Variants in DNAH6 observed in about 807,000 individuals in gnomAD.
The protein encoded by DNAH6 is dynein axonemal heavy chain 6, also known as axonemal beta dynein heavy chain 6.
DNAH6 carries 340 observed loss-of-function variants against 491.4 expected under a neutral mutation model. The ratio of observed to expected loss-of-function variants is 0.69; its 90% confidence interval spans 0.63 to 0.76. The LOEUF (loss-of-function observed/expected upper bound fraction) is 0.76. DNAH6 is among the 30% of genes least tolerant of loss of function. The pLI is 0.00. For synonymous variants in DNAH6, 1,603 were observed against 1,686.1 expected (o/e 0.95, Z 1.21); for missense variants, 4,443 against 4,972.2 (o/e 0.89, Z 3.20).
At chr2:84,776,004 T>C (rs1388320987) in intron 64 of DNAH6, among the ~76,000 whole-genome samples, 1 of 152,198 alleles carries the variant, frequency 6.6e-6, no homozygotes, top group Non-Finnish European at 1.5e-5. Context: ...CAAGGTTTAT[T>C]GGGGGTTTTA....
chr2:84,479,532 A>G, the DNAH6 span, among the ~76,000 whole-genome samples: 4 of 152,356 alleles, frequency 2.6e-5, no homozygotes, highest in East Asian at 7.7e-4. Flanking sequence ...GAGATTACCA[A>G]TGTCTACACA....
At chr2:84,714,400 C>T (rs1301278645) in intron 57 of DNAH6, among the ~76,000 whole-genome samples, 1 of 152,090 alleles carries the variant, frequency 6.6e-6, no homozygotes, top group African/African-American at 2.4e-5. Context: ...GGGCTCATGT[C>T]CCAAGTCCCA....
Position 84,589,006 on chromosome 2 carries a change from G to A in DNAH6, c.2610+52G>A, listed in dbSNP as rs7423276. The A allele has an allele frequency of 9.6e-3, 14,154 of 1,468,422 alleles. 766 individuals are homozygous for A. In the African/African-American group the frequency reaches 0.14, roughly 15 times the overall value. 91.0% of individuals were successfully genotyped at this position (1,468,422 alleles called of 1,614,324 possible). A position where few individuals can be genotyped will look rare whatever the true frequency, so the allele number is the denominator to read the frequency against. On this transcript the variant is annotated intron_variant, in intron 16 of 76. Coordinates refer to ENST00000389394, the MANE Select transcript of DNAH6 (RefSeq NM_001370.2). ...TTAGAAATGTGTGTATAGAAATGGC[G>A]TATATGCACAAGGACTTCAATAATG...
intron 4 of DNAH6, among the ~76,000 whole-genome samples, chr2:84,530,385 T>C (rs1057478773): frequency 6.6e-6 from 1 of 152,054 alleles, no homozygotes; most frequent in Admixed American, 6.6e-5. Flanking sequence ...GTGGTGCAGT[T>C]ATGAGCATTC....
intron 56 of DNAH6, among the ~76,000 whole-genome samples, chr2:84,712,409 T>G (rs768685407): frequency 3.3e-5 from 5 of 152,166 alleles, no homozygotes; most frequent in African/African-American, 4.8e-5. Flanking sequence ...ATAAAGATGT[T>G]TCTGATGGGA....
intron 29 of DNAH6, among the ~76,000 whole-genome samples, chr2:84,633,087 G>C (rs891657276): frequency 1.3e-5 from 2 of 152,160 alleles, no homozygotes; most frequent in Non-Finnish European, 2.9e-5. Flanking sequence ...CTTCTTCATA[G>C]AATGTATGCA....
rs1392779576 is a variant in DNAH6 at position 84,516,549 on chromosome 2, G to T, written c.-43G>T. ...TCCCGACCAGGCATTGCTCTCTCTG[G>T]AGACCCTCGGCGGTGGTTGCTGTAT... On this transcript the variant is annotated 5_prime_UTR_variant, in exon 1 of 77. Transcript: ENST00000389394. The T allele has an allele frequency of 1.3e-5, 2 of 152,184 alleles. No individual in the cohort carries two copies. Among genetic ancestry groups the T allele is most frequent in the African/African-American group, 2.4e-5 (1 of 41,418 alleles). 9.4% of individuals were successfully genotyped at this position (152,184 alleles called of 1,614,324 possible). A position where few individuals can be genotyped will look rare whatever the true frequency, so the allele number is the denominator to read the frequency against.
chr2:84,726,144 A>G (rs923392999), intron 60 of DNAH6, among the ~76,000 whole-genome samples: 3 of 152,188 alleles, frequency 2.0e-5, no homozygotes, highest in Non-Finnish European at 4.4e-5. Flanking sequence ...GCCTCCGCAC[A>G]GTATTTCTAG....
intron 59 of DNAH6, among the ~76,000 whole-genome samples, chr2:84,720,427 C>A (rs1218934893): frequency 2.7e-5 from 4 of 150,702 alleles, no homozygotes; most frequent in African/African-American, 4.9e-5. Context: ...TACAGGCGCC[C>A]GCCACTACGC....
Position 84,658,399 on chromosome 2 carries a change from C to T in DNAH6, c.5865C>T (p.Asp1955=), listed in dbSNP as rs1399148205. 3.2e-6 allele frequency: 5 copies of T among 1,549,178 alleles called. No individual in the cohort carries two copies. Among genetic ancestry groups the T allele is most frequent in the Non-Finnish European group, 4.4e-6 (5 of 1,145,542 alleles). The part of the protein sequence containing the change: ...KKCSQAIPQV[D]ISKVTTLCCL... ...GCAGCCAAGCAATTCCACAAGTGGA[C>T]ATCAGCAAAGTTACTACACTCTGTT... is the stretch of plus-strand genomic sequence containing the variant. The change falls in exon 36 of 77, where the codon GAC becomes GAT. Residue 1955 remains aspartate (D), a synonymous_variant. Transcript: ENST00000389394.
chr2:84,622,563 T>A (rs1687497742), intron 26 of DNAH6, among the ~76,000 whole-genome samples: 1 of 152,148 alleles, frequency 6.6e-6, no homozygotes. Flanking sequence ...ACATTCTCTT[T>A]ATCCGTTCAT....
chr2:84,692,124 C>T (rs184382499), intron 45 of DNAH6, among the ~76,000 whole-genome samples: 16 of 152,320 alleles, frequency 1.1e-4, no homozygotes, highest in Admixed American at 9.2e-4. Flanking sequence ...GCTCCTATCT[C>T]CTGCCACCAA....
the DNAH6 span, among the ~76,000 whole-genome samples, chr2:84,507,147 T>C: frequency 6.6e-5 from 10 of 152,146 alleles, no homozygotes; most frequent in Non-Finnish European, 1.3e-4. Flanking sequence ...ATCTATAAAT[T>C]ACCTTGGGCA....
At chr2:84,669,561 T>A in intron 38 of DNAH6, 51 bp downstream of exon 38, 1 of 1,443,946 alleles carries the variant, frequency 6.9e-7, no homozygotes, top group Non-Finnish European at 9.5e-7. Context: ...GAGGGCATGA[T>A]GGACTTAGAA....
At chr2:84,656,316 G>A (rs1690965051) in intron 35 of DNAH6, among the ~76,000 whole-genome samples, 1 of 152,114 alleles carries the variant, frequency 6.6e-6, no homozygotes, top group Admixed American at 6.6e-5. Flanking sequence ...ACCTAGGAAT[G>A]TGGTTGCTGA....
rs1326262433 is a variant in DNAH6, at chr2:84,528,909, T to G, written c.405T>G (p.His135Gln). 1 of 1,543,288 alleles carries G rather than the reference T, an allele frequency of 6.5e-7. No individual in the cohort carries two copies. The highest frequency in any genetic ancestry group is 8.7e-7 in the Non-Finnish European group (1 of 1,142,980). ...CAAAAATTGGCTTTGTTTAGATTCA[T>G]CGGCCCTATGTTGAGGTGTTCTCTC... ...HQDAVKKMQIHRPYVEVFSPS... is the reference protein window; with the variant it reads ...HQDAVKKMQIQRPYVEVFSPS... Residue 135 changes from histidine to glutamine, a missense_variant, in exon 4 of 77, where the codon CAT becomes CAG. Physicochemically the swap from His to Gln is conservative, Grantham distance 24. Around this residue, in one of 3 missense-constraint regions of DNAH6, gnomAD observed 2,977 missense variants for 3,296.6 expected, o/e 0.90. Transcript: ENST00000389394.
intron 64 of DNAH6, among the ~76,000 whole-genome samples, chr2:84,771,477 A>G (rs539191997): frequency 6.6e-5 from 10 of 152,338 alleles, no homozygotes; most frequent in African/African-American, 2.4e-4. Context: ...AAAGACCTTA[A>G]TGAATTCTAA....
chr2:84,671,407 C>A (rs1692724147), intron 39 of DNAH6, among the ~76,000 whole-genome samples: 1 of 152,180 alleles, frequency 6.6e-6, no homozygotes, highest in African/African-American at 2.4e-5. Context: ...CCCACTTGCT[C>A]AGTCCACAGT....
At chr2:84,544,840 TCC>T (rs1481923750) in intron 5 of DNAH6, among the ~76,000 whole-genome samples, 2 of 152,112 alleles carry the variant, frequency 1.3e-5, no homozygotes, top group Non-Finnish European at 2.9e-5. Flanking sequence ...CTCTATTACC[TCC>T]CCTCATCTTT....
Sources: gnomAD v4.1 joint callset for allele counts (sites outside exome capture counted in the v4.1 genomes callset) on GRCh38, gnomAD v4.1.1 for gene constraint, gnomAD v4.1.1 regional missense constraint, MANE v1.5 for transcripts, NCBI Gene and HGNC (gene_info 2026-07-23, HGNC 2026-07-21) for gene names.